DCLK1: variants seen among roughly 807,000 people sequenced by gnomAD.
DCLK1 encodes doublecortin like kinase 1, also known as serine/threonine-protein kinase DCLK1.
A neutral mutation model predicts 86.2 loss-of-function variants in DCLK1; 16 were observed. The observed-to-expected ratio is 0.19, with a 90% CI of 0.13 to 0.28. DCLK1 has a LOEUF of 0.28. Ranked by LOEUF, DCLK1 falls within the 10% of genes least tolerant of loss-of-function variation. The pLI is 1.00. For synonymous variants in DCLK1, 369 were observed against 370.5 expected, an observed-to-expected ratio of 1.00 and a Z score of 0.05; for missense variants, 590 against 940.2, an observed-to-expected ratio of 0.63 and a Z score of 4.87.
At chr13:36,125,281 T>C (rs7986095) in intron 2 of DCLK1, among the ~76,000 whole-genome samples, 46,397 of 152,040 alleles carry the variant, frequency 0.31, 7,470 homozygotes, top group South Asian at 0.41. Context: ...ACCACCGACA[T>C]GTCATTTGAA....
intron 1 of DCLK1, among the ~76,000 whole-genome samples, chr13:36,130,091 G>T (rs951134165): frequency 5.9e-5 from 9 of 152,092 alleles, no homozygotes; most frequent in Non-Finnish European, 1.3e-4. Context: ...TACCTTCCAG[G>T]CCCGTGCACC....
chr13:35,976,767 C>G (rs991025344), intron 3 of DCLK1, among the ~76,000 whole-genome samples: 2 of 151,850 alleles, frequency 1.3e-5, no homozygotes, highest in Non-Finnish European at 2.9e-5. Flanking sequence ...ATCTCTTGAC[C>G]TCGTGATCCG....
At chr13:35,943,855 C>T (rs1439839468) in intron 4 of DCLK1, among the ~76,000 whole-genome samples, 3 of 152,180 alleles carry the variant, frequency 2.0e-5, no homozygotes, top group Non-Finnish European at 4.4e-5. Context: ...AGCTTCCTGT[C>T]TCCAATGTGA....
chr13:35,793,410 C>T lies in DCLK1; in HGVS notation c.2014G>A (p.Gly672Ser). Residue 672 changes from glycine to serine, a missense_variant, in exon 16 of 17, where the codon GGC becomes AGC. Physicochemically the swap from Gly to Ser is moderately conservative, Grantham distance 56. This residue lies in a region of DCLK1 where 146 missense variants were observed against 190.2 expected (regional missense o/e 0.77). Coordinates refer to ENST00000360631, the MANE Select transcript of DCLK1 (RefSeq NM_001330071.2). ...GCTGCTGTGCTATTCGGCTTGGGGC[C>T]TGTGTTGAAATGCTTCTTTATCTTT... is the stretch of plus-strand genomic sequence containing the variant. ...AGKIKKHFNT[G>S]PKPNSTAAGV... The T allele has an allele frequency of 6.2e-7, 1 of 1,609,270 alleles. No homozygotes were observed. Among genetic ancestry groups the T allele is most frequent in the Non-Finnish European group, 8.5e-7 (1 of 1,177,448 alleles).
chr13:36,019,271 C>G (rs1256613254), intron 3 of DCLK1, among the ~76,000 whole-genome samples: 8 of 152,120 alleles, frequency 5.3e-5, no homozygotes, highest in Admixed American at 5.2e-4. Flanking sequence ...TCCCGTATTC[C>G]CAAGATCCAA....
chr13:36,110,619 T>C (rs988416106), intron 3 of DCLK1, among the ~76,000 whole-genome samples: 2 of 152,168 alleles, frequency 1.3e-5, no homozygotes, highest in African/African-American at 4.8e-5. Context: ...TTCTATTTAA[T>C]AAGATCAATC....
chr13:35,813,032 C>A (rs753030651), intron 11 of DCLK1, among the ~76,000 whole-genome samples: 1 of 152,216 alleles, frequency 6.6e-6, no homozygotes, highest in Non-Finnish European at 1.5e-5. Context: ...AGTCTTACCA[C>A]GTCAGCCATT....
intron 4 of DCLK1, among the ~76,000 whole-genome samples, chr13:35,877,603 C>T (rs1339760497): frequency 6.6e-6 from 1 of 152,110 alleles, no homozygotes; most frequent in South Asian, 2.1e-4. Context: ...TTGAAACCAA[C>T]CAGCATAAAA....
chr13:35,791,496 T>C (rs1008895222), intron 16 of DCLK1, among the ~76,000 whole-genome samples: 2 of 152,170 alleles, frequency 1.3e-5, no homozygotes, highest in Non-Finnish European at 2.9e-5. Flanking sequence ...ATCTTTGATC[T>C]TCAAATACTA....
chr13:35,808,262 G>C lies in DCLK1; in HGVS notation c.1825C>G (p.Pro609Ala), dbSNP rs2087069699. The C allele has an allele frequency of 1.9e-6, 3 of 1,614,062 alleles. No individual in the cohort carries two copies. Among genetic ancestry groups the C allele is most frequent in the Non-Finnish European group, 2.5e-6 (3 of 1,179,988 alleles). The change falls in exon 14 of 17, where the codon CCT (proline) becomes GCT (alanine). Residue 609 changes from proline to alanine, a missense_variant. Physicochemically the swap from Pro to Ala is conservative, Grantham distance 27. This residue lies in a region of DCLK1 where 146 missense variants were observed against 190.2 expected (regional missense o/e 0.77). Coordinates refer to ENST00000360631, the MANE Select transcript of DCLK1 (RefSeq NM_001330071.2). The stretch of plus-strand genomic sequence containing the variant: ...GAAACATTATCCCAGTATGGAGAAG[G>C]AAAGTCCACCTGCCCCATCAAAATC... Reference protein sequence around the residue: ...DQILMGQVDFPSPYWDNVSDS... With the variant: ...DQILMGQVDFASPYWDNVSDS...
intron 3 of DCLK1, among the ~76,000 whole-genome samples, chr13:35,998,402 C>T (rs898646583): frequency 3.3e-5 from 5 of 152,090 alleles, no homozygotes; most frequent in Non-Finnish European, 7.4e-5. Flanking sequence ...AACCTCACAC[C>T]CACATTGATG....
At chr13:35,782,780 T>G (rs2086551301) in intron 16 of DCLK1, among the ~76,000 whole-genome samples, 1 of 152,228 alleles carries the variant, frequency 6.6e-6, no homozygotes, top group Non-Finnish European at 1.5e-5. Flanking sequence ...CTTGTGGAAT[T>G]TGCATTTGTA....
At chr13:36,012,097 C>T (rs1470866357) in intron 3 of DCLK1, among the ~76,000 whole-genome samples, 9 of 139,518 alleles carry the variant, frequency 6.5e-5, no homozygotes, top group African/African-American at 2.0e-4. Context: ...TTCCTCCATC[C>T]TTTTATTTTG....
At chr13:35,991,332 T>C (rs1432887788) in intron 3 of DCLK1, among the ~76,000 whole-genome samples, 37 of 152,172 alleles carry the variant, frequency 2.4e-4, no homozygotes, top group Admixed American at 2.4e-3. Context: ...TAACTATTTT[T>C]TTAGGTCTTC....
intron 3 of DCLK1, among the ~76,000 whole-genome samples, chr13:36,034,446 G>T (rs1360230356): frequency 6.6e-6 from 1 of 152,078 alleles, no homozygotes; most frequent in Non-Finnish European, 1.5e-5. Context: ...AGCTCTCCCT[G>T]TGATGATCTC....
At chr13:36,121,986 A>G (rs1326437903) in intron 2 of DCLK1, among the ~76,000 whole-genome samples, 2 of 152,228 alleles carry the variant, frequency 1.3e-5, no homozygotes, top group African/African-American at 4.8e-5. Flanking sequence ...AAAGAAAAAG[A>G]AACTAGTAAA....
intron 3 of DCLK1, among the ~76,000 whole-genome samples, chr13:36,001,096 G>A (rs1447118993): frequency 6.6e-6 from 1 of 152,034 alleles, no homozygotes; most frequent in African/African-American, 2.4e-5. Flanking sequence ...TTAGAGGCAT[G>A]AGCCACCAAG....
At chr13:36,123,953 G>A (rs1201788232) in intron 2 of DCLK1, among the ~76,000 whole-genome samples, 2 of 152,188 alleles carry the variant, frequency 1.3e-5, no homozygotes, top group Non-Finnish European at 2.9e-5. Context: ...TTGGTGGATG[G>A]GAGTCATTGG....
At chr13:35,884,544 C>T (rs1873114009) in intron 4 of DCLK1, among the ~76,000 whole-genome samples, 3 of 152,170 alleles carry the variant, frequency 2.0e-5, no homozygotes, top group Non-Finnish European at 4.4e-5. Flanking sequence ...ACAAAAGGAA[C>T]TAACAACAAT....
Sources: gnomAD v4.1 joint callset for allele counts (sites outside exome capture counted in the v4.1 genomes callset) on GRCh38, gnomAD v4.1.1 for gene constraint, gnomAD v4.1.1 regional missense constraint, MANE v1.5 for transcripts, NCBI Gene and HGNC (gene_info 2026-07-23, HGNC 2026-07-21) for gene names.